The following WDR75 variants were observed in gnomAD, a reference collection of about 807,000 sequenced individuals.
WDR75 encodes WD repeat domain 75.
A neutral mutation model predicts 106.1 loss-of-function variants in WDR75; 52 were observed. That is an observed-to-expected ratio of 0.49 (90% confidence interval 0.39 to 0.62). The LOEUF (loss-of-function observed/expected upper bound fraction) is 0.62, where lower values mean the gene tolerates loss of function less well. Ranked by LOEUF, WDR75 falls within the 20% of genes least tolerant of loss-of-function variation. The probability of loss-of-function intolerance (pLI) is 0.00; values close to 1 mark genes in which losing one functional copy is unlikely to be tolerated. For synonymous variants in WDR75, 333 were observed against 335.5 expected (o/e 0.99, Z 0.08); for missense variants, 905 against 970.3 (o/e 0.93, Z 0.89).
chr2:189,444,096 A>T (rs1439311014), intron 1 of WDR75, among the ~76,000 whole-genome samples: 1 of 150,136 alleles, frequency 6.7e-6, no homozygotes, highest in Non-Finnish European at 1.5e-5. Flanking sequence ...AGATTTAGAG[A>T]TTTTTTTTTT....
At chr2:189,445,865 T>C (rs1686489109) in intron 1 of WDR75, among the ~76,000 whole-genome samples, 1 of 152,238 alleles carries the variant, frequency 6.6e-6, no homozygotes, top group Admixed American at 6.5e-5. Flanking sequence ...ACGTGTTCTA[T>C]GTAGATAGCA....
At chr2:189,443,968 C>A (rs1232352467) in intron 1 of WDR75, among the ~76,000 whole-genome samples, 1 of 152,072 alleles carries the variant, frequency 6.6e-6, no homozygotes, top group South Asian at 2.1e-4. Context: ...CAGTCAGTGT[C>A]AATGGGGAGA....
chr2:189,459,463 A>G (rs1167172593), intron 8 of WDR75, 39 bp downstream of exon 8: 5 of 1,540,674 alleles, frequency 3.2e-6, no homozygotes, highest in Admixed American at 1.8e-5. Context: ...ACTTTTGAAG[A>G]TATGATTCAA....
chr2:189,446,064 A>G (rs1355747244), intron 1 of WDR75, among the ~76,000 whole-genome samples: 5 of 152,196 alleles, frequency 3.3e-5, no homozygotes, highest in Non-Finnish European at 2.9e-5. Context: ...CAAGGAAGCC[A>G]TATCTAAAGG....
Position 189,469,439 on chromosome 2 carries a change from T to A in WDR75, c.1819T>A (p.Leu607Met). The A allele has an allele frequency of 6.2e-7, 1 of 1,607,968 alleles. No homozygotes were observed. The highest frequency in any genetic ancestry group is 8.5e-7 in the Non-Finnish European group (1 of 1,174,622). The change falls in exon 16 of 21, where the codon TTG (leucine) becomes ATG (methionine). Residue 607 changes from leucine to methionine, a missense_variant and splice_region_variant. Transcript: ENST00000314761. ...AISQSSVGSD[L>M]FVFKPSEPRP... ...CTCTCAGTCTTCAGTGGGTTCAGAC[T>A]GTAAGTACAAACCACACTTTGTAGT...
Position 189,457,330 on chromosome 2 carries a change from T to G in WDR75, c.518T>G (p.Val173Gly). 1 of 1,604,270 alleles carries G rather than the reference T, an allele frequency of 6.2e-7. No individual in the cohort carries two copies. The highest frequency in any genetic ancestry group is 8.5e-7 in the Non-Finnish European group (1 of 1,172,140). ...TACTAGGGAGTATATGTTGCTGCAG[T>G]ACGGGAATTTTACTTGTCTGTTTAT... ...FGNEGVYVAA[V>G]REFYLSVYFF... Residue 173 changes from valine to glycine, a missense_variant, in exon 6 of 21, where the codon GTA becomes GGA. Coordinates refer to ENST00000314761, the MANE Select transcript of WDR75 (RefSeq NM_032168.3).
intron 17 of WDR75, 27 bp from the exon 18 acceptor site, chr2:189,470,792 T>G: frequency 2.6e-6 from 4 of 1,561,578 alleles, no homozygotes; most frequent in Non-Finnish European, 3.5e-6. Context: ...CAGTTTGTCT[T>G]TTGCATCATT....
At chr2:189,463,216 A>T (rs1341159567) in intron 9 of WDR75, among the ~76,000 whole-genome samples, 3 of 150,674 alleles carry the variant, frequency 2.0e-5, no homozygotes, top group Non-Finnish European at 4.4e-5. Context: ...TTTTTATTAG[A>T]TATACTCTAT....
At chr2:189,465,565 T>C (rs898222396) in intron 12 of WDR75, among the ~76,000 whole-genome samples, 2 of 152,142 alleles carry the variant, frequency 1.3e-5, no homozygotes, top group African/African-American at 4.8e-5. Context: ...GTTAACAGCA[T>C]ACTGCCTTTT....
intron 5 of WDR75, among the ~76,000 whole-genome samples, chr2:189,456,645 G>A (rs1293660055): frequency 6.6e-6 from 1 of 152,084 alleles, no homozygotes; most frequent in Non-Finnish European, 1.5e-5. Flanking sequence ...TAAAGAGGGA[G>A]GAGGGGGCAT....
At chr2:189,451,047 T>A in intron 3 of WDR75, 79 bp downstream of exon 3, 2 of 1,450,844 alleles carry the variant, frequency 1.4e-6, no homozygotes, top group Non-Finnish European at 1.8e-6. Context: ...ACTGTTTCTA[T>A]AAGGCCAAAT....
chr2:189,474,063 C>G (rs1202176056), intron 18 of WDR75, 123 bp from the exon 19 acceptor site: 21 of 1,051,864 alleles, frequency 2.0e-5, no homozygotes, highest in Non-Finnish European at 2.9e-5. Context: ...ATCATACTAA[C>G]TGGATAATTT....
chr2:189,463,831 T>C lies in WDR75; in HGVS notation c.998-15T>C, dbSNP rs1201004387. On this transcript the variant is annotated splice_polypyrimidine_tract_variant and intron_variant, in intron 10 of 20. Coordinates refer to ENST00000314761, the MANE Select transcript of WDR75 (RefSeq NM_032168.3). ...TTTCTCTTATTTCACCTGTTATTTG[T>C]CACCACTTCTGCAGATAGGAGTATC... The C allele has an allele frequency of 6.2e-7, 1 of 1,613,686 alleles. No homozygotes were observed. The highest frequency in any genetic ancestry group is 1.1e-5 in the South Asian group (1 of 91,054).
At chr2:189,460,050 T>G (rs1008353671) in intron 8 of WDR75, among the ~76,000 whole-genome samples, 1 of 152,248 alleles carries the variant, frequency 6.6e-6, no homozygotes, top group Non-Finnish European at 1.5e-5. Flanking sequence ...AAAAATACCT[T>G]TAAAGTAAAG....
intron 1 of WDR75, among the ~76,000 whole-genome samples, chr2:189,443,306 A>G (rs1029821271): frequency 6.6e-6 from 1 of 152,192 alleles, no homozygotes; most frequent in South Asian, 2.1e-4. Context: ...AAGACATTTC[A>G]GGTGGGGAGG....
intron 19 of WDR75, 144 bp from the exon 20 acceptor site, chr2:189,474,573 G>T: frequency 1.2e-6 from 1 of 861,822 alleles, no homozygotes; most frequent in South Asian, 1.8e-5. Flanking sequence ...ATTTTTCTTT[G>T]GTTTGGCTTT....
chr2:189,454,193 G>A (rs1234655873), intron 4 of WDR75, among the ~76,000 whole-genome samples: 1 of 152,180 alleles, frequency 6.6e-6, no homozygotes, highest in Admixed American at 6.5e-5. Flanking sequence ...GGAGAAGGGA[G>A]GCCGGTGGAA....
At position 189,451,799 on chromosome 2, in the gene WDR75, T is replaced by C; in HGVS notation, c.283-6T>C. On this transcript the variant is annotated splice_region_variant and splice_polypyrimidine_tract_variant and intron_variant, in intron 3 of 20. Coordinates refer to ENST00000314761, the MANE Select transcript of WDR75 (RefSeq NM_032168.3). ...AGTAAACACTATGGTGCTCTTTATC[T>C]TTCAGACTTTCATAGTTGGATGTAA... is the stretch of plus-strand genomic sequence containing the variant. 6.2e-7 allele frequency: 1 copy of C among 1,612,130 alleles called. No individual in the cohort carries two copies. Among genetic ancestry groups the C allele is most frequent in the Non-Finnish European group, 8.5e-7 (1 of 1,178,480 alleles).
intron 2 of WDR75, chr2:189,449,164 C>T (rs17271036): frequency 0.18 from 183,468 of 1,022,296 alleles, 17,863 homozygotes; most frequent in South Asian, 0.21. Context: ...TCTTAAGTTT[C>T]GGCAAATCTA....
Sources: allele counts gnomAD v4.1 joint callset (sites outside exome capture counted in the v4.1 genomes callset), GRCh38; gene constraint gnomAD v4.1.1; transcripts MANE v1.5; gene names NCBI Gene and HGNC (gene_info 2026-07-23, HGNC 2026-07-21).